Variants in HECW2 observed in about 807,000 individuals in gnomAD.
The protein encoded by HECW2 is HECT, C2 and WW domain containing E3 ubiquitin protein ligase 2.
Under a neutral mutation model 175.2 loss-of-function variants are expected in HECW2, and 61 were observed. The ratio of observed to expected loss-of-function variants is 0.35; its 90% CI spans 0.28 to 0.43. The LOEUF (loss-of-function observed/expected upper bound fraction) is 0.43. HECW2 is among the 20% of genes least tolerant of loss of function. The probability of loss-of-function intolerance (pLI) is 1.00; values close to 1 mark genes in which losing one functional copy is unlikely to be tolerated. For missense variants in HECW2, 1,524 were observed against 2,000.5 expected (o/e 0.76, Z 4.54); for synonymous variants, 671 against 731.0 (o/e 0.92, Z 1.32).
At chr2:196,208,473 G>T (rs1278579500) in intron 28 of HECW2, among the ~76,000 whole-genome samples, 1 of 152,220 alleles carries the variant, frequency 6.6e-6, no homozygotes, top group Non-Finnish European at 1.5e-5. Flanking sequence ...GTTCTCACAG[G>T]ATTATACTCC....
At chr2:196,365,440 T>C (rs1693717603) in intron 2 of HECW2, among the ~76,000 whole-genome samples, 1 of 152,242 alleles carries the variant, frequency 6.6e-6, no homozygotes, top group South Asian at 2.1e-4. Context: ...TATACATTAT[T>C]GAAGCCTCAC....
At chr2:196,555,116 A>G (rs1422730642) in intron 1 of HECW2, among the ~76,000 whole-genome samples, 1 of 152,252 alleles carries the variant, frequency 6.6e-6, no homozygotes, top group East Asian at 1.9e-4. Context: ...CTGAAGTAAG[A>G]CTAAATAAGG....
Position 196,530,279 on chromosome 2 carries a change from C to T in HECW2, c.-36+63229G>A, listed in dbSNP as rs1213069349. ...AACCCTCATTAAATAAATGTATGGA[C>T]ATTTAGAATTCTAGGGATGCATACA... On this transcript the variant is annotated intron_variant, in intron 1 of 28. Transcript: ENST00000644978. Among the ~76,000 whole-genome samples the T allele has an allele frequency of 5.3e-5, 8 of 152,180 alleles. No homozygotes were observed. In the East Asian group the frequency reaches 1.5e-3, roughly 29 times the overall value.
intron 1 of HECW2, among the ~76,000 whole-genome samples, chr2:196,444,442 T>C (rs1696126608): frequency 6.6e-6 from 1 of 152,212 alleles, no homozygotes; most frequent in Non-Finnish European, 1.5e-5. Context: ...TATCATGCAG[T>C]CTATACTCCA....
intron 2 of HECW2, among the ~76,000 whole-genome samples, chr2:196,355,379 C>T (rs1375928599): frequency 6.6e-6 from 1 of 152,156 alleles, no homozygotes; most frequent in Non-Finnish European, 1.5e-5. Context: ...TTTGGTAGCT[C>T]GGTAAACACC....
chr2:196,554,109 C>T (rs1039859507), intron 1 of HECW2, among the ~76,000 whole-genome samples: 9 of 152,036 alleles, frequency 5.9e-5, no homozygotes, highest in African/African-American at 1.9e-4. Flanking sequence ...GAGGCCGAGG[C>T]GGGCGGATCA....
At chr2:196,220,488 C>T (rs957265381) in intron 25 of HECW2, among the ~76,000 whole-genome samples, 5 of 152,130 alleles carry the variant, frequency 3.3e-5, no homozygotes, top group African/African-American at 1.2e-4. Flanking sequence ...TTTCACATAG[C>T]AAGCATGAGA....
chr2:196,270,694 T>C (rs1689695661), intron 17 of HECW2, among the ~76,000 whole-genome samples: 1 of 122,700 alleles, frequency 8.1e-6, no homozygotes, highest in Non-Finnish European at 1.8e-5. Flanking sequence ...TAGTTGATTT[T>C]ATTCACCTTT....
chr2:196,265,950 A>G (rs1427452081), intron 17 of HECW2, among the ~76,000 whole-genome samples: 1 of 152,136 alleles, frequency 6.6e-6, no homozygotes, highest in Non-Finnish European at 1.5e-5. Context: ...ACTACCTTCT[A>G]AGAGCCATTA....
At chr2:196,452,296 T>C (rs1379185391) in intron 1 of HECW2, among the ~76,000 whole-genome samples, 1 of 152,228 alleles carries the variant, frequency 6.6e-6, no homozygotes, top group African/African-American at 2.4e-5. Context: ...TAAATGGTAG[T>C]GTTTTAGATA....
intron 19 of HECW2, among the ~76,000 whole-genome samples, chr2:196,244,684 C>T (rs536522150): frequency 1.1e-3 from 173 of 152,304 alleles, no homozygotes; most frequent in African/African-American, 4.0e-3. Flanking sequence ...TTAATTGGAA[C>T]CACACCTTGC....
intron 1 of HECW2, among the ~76,000 whole-genome samples, chr2:196,485,435 A>T (rs1686969355): frequency 6.6e-6 from 1 of 152,222 alleles, no homozygotes; most frequent in Non-Finnish European, 1.5e-5. Context: ...GACGACCAAG[A>T]TCAAGGTCCC....
chr2:196,520,263 T>C (rs1304999797), intron 1 of HECW2, among the ~76,000 whole-genome samples: 9 of 130,604 alleles, frequency 6.9e-5, no homozygotes, highest in African/African-American at 3.4e-4. Flanking sequence ...TCTCAAATTA[T>C]TACCAAAAAA....
intron 2 of HECW2, 104 bp downstream of exon 2, chr2:196,433,028 G>A (rs1695760674): frequency 4.0e-6 from 4 of 1,006,954 alleles, no homozygotes; most frequent in Non-Finnish European, 5.9e-6. Flanking sequence ...ATGTGTATAT[G>A]TGCATGTGAA....
At chr2:196,485,569 G>T (rs1686974193) in intron 1 of HECW2, among the ~76,000 whole-genome samples, 1 of 152,120 alleles carries the variant, frequency 6.6e-6, no homozygotes, top group African/African-American at 2.4e-5. Flanking sequence ...GCACCCTCAT[G>T]ACTTACCTCC....
intron 1 of HECW2, among the ~76,000 whole-genome samples, chr2:196,562,921 G>A (rs1173223013): frequency 6.6e-6 from 1 of 152,110 alleles, no homozygotes; most frequent in Non-Finnish European, 1.5e-5. Flanking sequence ...AGGCACACCT[G>A]TAGTCCCAGC....
chr2:196,408,687 C>T (rs1575511698), intron 2 of HECW2, among the ~76,000 whole-genome samples: 1 of 152,194 alleles, frequency 6.6e-6, no homozygotes, highest in Non-Finnish European at 1.5e-5. Context: ...CTAAGTCCCA[C>T]AACACAAAAG....
intron 1 of HECW2, among the ~76,000 whole-genome samples, chr2:196,532,528 G>A (rs2125453911): frequency 6.6e-6 from 1 of 152,238 alleles, no homozygotes; most frequent in South Asian, 2.1e-4. Flanking sequence ...ACCTAATGTA[G>A]GTGACGGGTT....
chr2:196,237,185 T>A (rs79257339), intron 21 of HECW2, among the ~76,000 whole-genome samples: 3,100 of 152,212 alleles, frequency 0.02, 117 homozygotes, highest in African/African-American at 0.07. Context: ...TCTTTTTTTT[T>A]AAATTGTTAT....
Sources: gnomAD v4.1 joint callset for allele counts (sites outside exome capture counted in the v4.1 genomes callset) on GRCh38, gnomAD v4.1.1 for gene constraint, MANE v1.5 for transcripts, NCBI Gene and HGNC (gene_info 2026-07-23, HGNC 2026-07-21) for gene names.